Variants in ASIC4 observed in about 807,000 individuals in gnomAD.
ASIC4 encodes acid-sensing ion channel 4.
A neutral mutation model predicts 53.4 loss-of-function variants in ASIC4; 28 were observed. The observed-to-expected ratio is 0.52, with a 90% confidence interval of 0.39 to 0.72. The LOEUF (loss-of-function observed/expected upper bound fraction) is 0.72. ASIC4 is among the 30% of genes least tolerant of loss of function. ASIC4 has a pLI of 0.00. For missense variants in ASIC4, 649 were observed against 729.7 expected (o/e 0.89, Z 1.27); for synonymous variants, 289 against 301.4 (o/e 0.96, Z 0.43).
intron 1 of ASIC4, among the ~76,000 whole-genome samples, chr2:219,525,320 C>T (rs1190752625): frequency 6.6e-6 from 1 of 152,218 alleles, no homozygotes; most frequent in East Asian, 1.9e-4. Flanking sequence ...GTGAAATAAG[C>T]AGGGATTTCT....
chr2:219,530,939 G>C (rs1315087089), intron 1 of ASIC4, among the ~76,000 whole-genome samples: 1 of 152,202 alleles, frequency 6.6e-6, no homozygotes, highest in Non-Finnish European at 1.5e-5. Context: ...GGGCACCATG[G>C]CTTCCGGTAG....
Position 219,532,120 on chromosome 2 carries a change from G to A in ASIC4, c.847G>A (p.Glu283Lys), listed in dbSNP as rs1459689251. Residue 283 changes from glutamate (E) to lysine (K), a missense_variant, in exon 3 of 10, where the codon GAA (glutamate) becomes AAA (lysine). Glu to Lys is a moderately conservative substitution (Grantham distance 56). Transcript: ENST00000358078. ...PGFQTFVSCQ[E>K]QRLTYLPQPW... ...CTTCCAGACCTTTGTGTCCTGCCAG[G>A]AACAGCGGGTGAGCATCTCCTGCTA... The A allele has an allele frequency of 4.3e-6, 7 of 1,614,180 alleles. No individual in the cohort carries two copies. The highest frequency in any genetic ancestry group is 1.7e-5 in the Admixed American group (1 of 60,030).
upstream of ASIC4, among the ~76,000 whole-genome samples, chr2:219,509,294 G>C (rs1401799122): frequency 6.6e-6 from 1 of 152,096 alleles, no homozygotes; most frequent in African/African-American, 2.4e-5. The surrounding 1 kb of genome is among the most constrained non-coding windows in gnomAD (Gnocchi z 5.2). Context: ...AGCACAGCTG[G>C]GTGTGCCCAG....
At position 219,517,384 on chromosome 2, in the gene ASIC4, C is replaced by T. The variant is rs1287532313; in HGVS notation, c.582+2078C>T. Reference sequence around the variant, plus strand: ...TGGTAGAAGTCCGTGGGCTGAGGTTCTGGCCCTGGTGCAGGACAGTGGGGG... The same window carrying T: ...TGGTAGAAGTCCGTGGGCTGAGGTTTTGGCCCTGGTGCAGGACAGTGGGGG... On this transcript the variant is annotated intron_variant, in intron 1 of 9. Transcript: ENST00000358078. The surrounding 1 kb of genome is among the most constrained non-coding windows in gnomAD (Gnocchi z 4.2). The T allele has an allele frequency of 1.3e-5, 2 of 152,558 alleles. No homozygotes were observed. Among genetic ancestry groups the T allele is most frequent in the African/African-American group, 4.8e-5 (2 of 41,426 alleles). The allele number at this position is 152,558 out of a possible 1,614,324, so 9.5% of individuals were successfully genotyped here.
rs534044369 is a variant in ASIC4, at chr2:219,516,510, C to T, written c.582+1204C>T. 5.9e-5 allele frequency among the ~76,000 whole-genome samples: 9 copies of T among 152,038 alleles called. No individual in the cohort carries two copies. The highest frequency in any genetic ancestry group is 3.9e-4 in the Admixed American group (6 of 15,250). On this transcript the variant is annotated intron_variant, in intron 1 of 9. Transcript: ENST00000358078. The surrounding 1 kb of genome is among the most constrained non-coding windows in gnomAD (Gnocchi z 4.9). ...GTCACAGGGTATCTAGTATTCATGG[C>T]GCTCGAGATGCTTGTCCCTAGTCCA...
rs1281236116 is a variant in ASIC4, at chr2:219,536,825, G to A, written c.1230-241G>A. ...CCACTGGCTGCTTTAGAGGAGGGAG[G>A]AGTGTTTCCTTCAGGTCCAGGAGTT... On this transcript the variant is annotated intron_variant, in intron 6 of 9. Coordinates refer to ENST00000358078, the MANE Select transcript of ASIC4 (RefSeq NM_018674.6). This position sits in a 1 kb window ranked among gnomAD's most constrained non-coding sequence, Gnocchi z 4.6. Among the ~76,000 whole-genome samples the A allele has an allele frequency of 2.0e-5, 3 of 152,152 alleles. No individual in the cohort carries two copies. Among genetic ancestry groups the A allele is most frequent in the Non-Finnish European group, 4.4e-5 (3 of 68,022 alleles).
Position 219,532,129 on chromosome 2 carries a change from G to A in ASIC4, c.855+1G>A, listed in dbSNP as rs1446586120. 1.2e-6 allele frequency: 2 copies of A among 1,614,052 alleles called. No homozygotes were observed. The highest frequency in any genetic ancestry group is 1.1e-5 in the South Asian group (1 of 91,090). On this transcript the variant is annotated splice_donor_variant, in intron 3 of 9. Transcript: ENST00000358078. LOFTEE classifies it high-confidence loss of function. ...CTTTGTGTCCTGCCAGGAACAGCGG[G>A]TGAGCATCTCCTGCTAGGCCCTGGA...
In ASIC4 at chr2:219,515,773, C is replaced by T. The variant is rs971912357; in HGVS notation, c.582+467C>T. ...GGGGGCTCCATCTAGGGAAGGACCC[C>T]GGGTGGCCTCCTGGGGAGCTGGCCT... On this transcript the variant is annotated intron_variant, in intron 1 of 9. Coordinates refer to ENST00000358078, the MANE Select transcript of ASIC4 (RefSeq NM_018674.6). 2.6e-5 allele frequency among the ~76,000 whole-genome samples: 4 copies of T among 152,166 alleles called. 1 individual carries two copies. The East Asian group carries it at 5.8e-4, about 22-fold the overall frequency.
chr2:219,515,030 C>A lies in ASIC4; in HGVS notation c.306C>A (p.Asp102Glu), dbSNP rs941961367. ...YLTRPHLVAMDPAAPAPVAGF... is the reference protein window; with the variant it reads ...YLTRPHLVAMEPAAPAPVAGF... ...CCCGGCCTCACCTGGTGGCAATGGA[C>A]CCCGCTGCCCCAGCCCCAGTGGCGG... The change falls in exon 1 of 10, where the codon GAC becomes GAA. Residue 102 changes from aspartate to glutamate, a missense_variant. Asp to Glu is a conservative substitution (Grantham distance 45). Coordinates refer to ENST00000358078, the MANE Select transcript of ASIC4 (RefSeq NM_018674.6). The A allele has an allele frequency of 4.3e-6, 7 of 1,613,618 alleles. No homozygotes were observed. The highest frequency in any genetic ancestry group is 2.7e-5 in the African/African-American group (2 of 75,044).
At position 219,538,143 on chromosome 2, in the gene ASIC4, C is replaced by A; in HGVS notation, c.*97C>A. 1 of 1,052,964 alleles carries A rather than the reference C, an allele frequency of 9.5e-7. No homozygotes were observed. Among genetic ancestry groups the A allele is most frequent in the Non-Finnish European group, 1.4e-6 (1 of 696,990 alleles). 65.2% of individuals were successfully genotyped at this position (1,052,964 alleles called of 1,614,324 possible). ...CTGGGAGAGGCCTGGGGGCGGTGCT[C>A]ACTGGGAGGGCCAGGACTCAGTTCC... On this transcript the variant is annotated 3_prime_UTR_variant, in exon 10 of 10. Coordinates refer to ENST00000358078, the MANE Select transcript of ASIC4 (RefSeq NM_018674.6).
chr2:219,522,821 G>A (rs974958752), intron 1 of ASIC4, among the ~76,000 whole-genome samples: 1 of 152,164 alleles, frequency 6.6e-6, no homozygotes, highest in Non-Finnish European at 1.5e-5. Flanking sequence ...ACTTTGCCGA[G>A]GAGCCGGGAG....
intron 1 of ASIC4, 142 bp from the exon 2 acceptor site, chr2:219,531,616 G>A: frequency 1.1e-6 from 1 of 916,310 alleles, no homozygotes; most frequent in Non-Finnish European, 1.6e-6. Context: ...GATTGGAGAG[G>A]CTGGGCTGTA....
intron 1 of ASIC4, among the ~76,000 whole-genome samples, chr2:219,527,792 T>C (rs1347731170): frequency 2.0e-5 from 3 of 152,238 alleles, no homozygotes; most frequent in African/African-American, 7.2e-5. Context: ...TCACAGGACT[T>C]GGTACAAAGT....
In ASIC4 at chr2:219,537,263, G is replaced by C. The variant is rs1443629051; in HGVS notation, c.1343G>C (p.Gly448Ala). 1 of 1,613,748 alleles carries C rather than the reference G, an allele frequency of 6.2e-7. No individual in the cohort carries two copies. The highest frequency in any genetic ancestry group is 1.7e-5 in the Admixed American group (1 of 59,972). ...ALLGDLGGQMGLFIGASILTL... is the reference protein window; with the variant it reads ...ALLGDLGGQMALFIGASILTL... The stretch of plus-strand genomic sequence containing the variant: ...CCAGGAGACCTCGGGGGACAGATGG[G>C]CCTGTTCATTGGGGCCAGCATCCTC... Residue 448 changes from glycine (G) to alanine (A), a missense_variant, in exon 8 of 10, where the codon GGC (glycine) becomes GCC (alanine). Physicochemically the swap from Gly to Ala is moderately conservative, Grantham distance 60. Transcript: ENST00000358078. The surrounding 1 kb of genome is among the most constrained non-coding windows in gnomAD (Gnocchi z 4.9).
rs1695146158 is a variant in ASIC4 at position 219,536,844 on chromosome 2, A to G, written c.1230-222A>G. On this transcript the variant is annotated intron_variant, in intron 6 of 9. Transcript: ENST00000358078. This position sits in a 1 kb window ranked among gnomAD's most constrained non-coding sequence, Gnocchi z 4.6. ...AGGGAGGAGTGTTTCCTTCAGGTCC[A>G]GGAGTTGTGTTTTGCTCTCCCAGGC... Among the ~76,000 whole-genome samples, 1 of 152,126 alleles carries G rather than the reference A, an allele frequency of 6.6e-6. No homozygotes were observed.
the ASIC4 span, among the ~76,000 whole-genome samples, chr2:219,508,466 G>T: frequency 6.6e-6 from 1 of 152,136 alleles, no homozygotes; most frequent in Non-Finnish European, 1.5e-5. Flanking sequence ...TTGAAGGGGG[G>T]TGCCGCTAGC....
chr2:219,533,040 T>A, intron 5 of ASIC4, 101 bp downstream of exon 5: 5 of 1,292,226 alleles, frequency 3.9e-6, no homozygotes, highest in Non-Finnish European at 5.6e-6. Context: ...AATCTCTTCC[T>A]GGAGGGTTCT....
chr2:219,530,086 T>C (rs2125665505), intron 1 of ASIC4, among the ~76,000 whole-genome samples: 1 of 152,230 alleles, frequency 6.6e-6, no homozygotes, highest in South Asian at 2.1e-4. Context: ...TTCTTCCAGC[T>C]TTTACCAGTG....
upstream of ASIC4, among the ~76,000 whole-genome samples, chr2:219,511,850 T>G (rs973947038): frequency 1.3e-5 from 2 of 150,082 alleles, no homozygotes; most frequent in African/African-American, 4.9e-5. This position sits in a 1 kb window ranked among gnomAD's most constrained non-coding sequence, Gnocchi z 5.3. Context: ...TGAGGGAGAT[T>G]ATCACCCAAC....
Sources: gnomAD v4.1 joint callset for allele counts (sites outside exome capture counted in the v4.1 genomes callset) on GRCh38, gnomAD v4.1.1 for gene constraint, Gnocchi (gnomAD v3.1) non-coding constraint, MANE v1.5 for transcripts, NCBI Gene and HGNC (gene_info 2026-07-23, HGNC 2026-07-21) for gene names.